The following B2M variants were observed in gnomAD, a reference collection of about 807,000 sequenced individuals.
The protein encoded by B2M is beta-2-microglobulin.
B2M carries 3 observed loss-of-function variants against 14.5 expected under a neutral mutation model. That is an observed-to-expected ratio of 0.21 (90% confidence interval 0.09 to 0.53). The LOEUF (loss-of-function observed/expected upper bound fraction) is 0.53. B2M is among the 20% of genes least tolerant of loss of function. The pLI is 0.95. For synonymous variants in B2M, 45 were observed against 52.7 expected, an observed-to-expected ratio of 0.85 and a Z score of 0.64; for missense variants, 107 against 140.8, an observed-to-expected ratio of 0.76 and a Z score of 1.21.
intron 1 of B2M, chr15:44,714,101 A>G (rs933676814): frequency 6.6e-6 from 1 of 152,224 alleles, no homozygotes; most frequent in Admixed American, 6.5e-5. Context: ...TGGATGGTCT[A>G]GTCATGCCTC....
At chr15:44,715,069 A>G (rs1010867264) in intron 1 of B2M, 1 of 391,786 alleles carries the variant, frequency 2.6e-6, no homozygotes, top group African/African-American at 2.1e-5. Context: ...GTGTTAAGGA[A>G]TGCTATGAGT....
intron 1 of B2M, chr15:44,711,969 G>A: frequency 4.6e-6 from 2 of 438,896 alleles, no homozygotes; most frequent in Non-Finnish European, 8.5e-6. Context: ...GGCTCCCCCA[G>A]CGCAGCTGGA....
Position 44,716,374 on chromosome 15 carries a change from A to T in B2M, c.*14+18A>T. 6.2e-7 allele frequency: 1 copy of T among 1,602,334 alleles called. No individual in the cohort carries two copies. The highest frequency in any genetic ancestry group is 8.6e-7 in the Non-Finnish European group (1 of 1,169,252). On this transcript the variant is annotated intron_variant, in intron 3 of 3. Transcript: ENST00000648006. ...TCATGGAGGTAAGTTTTTGACCTTG[A>T]GAAAATGTTTTTGTTTCACTGTCCT...
chr15:44,712,549 C>T (rs1159140518), intron 1 of B2M, among the ~76,000 whole-genome samples: 2 of 152,148 alleles, frequency 1.3e-5, no homozygotes, highest in African/African-American at 4.8e-5. Flanking sequence ...GTAATTCGTG[C>T]ATTTTTTTTT....
rs2086938949 is a variant in B2M at position 44,716,159 on chromosome 15, T to C, written c.347-170T>C. ...TGGCTGGATTGGTATCTGAGGCTAG[T>C]AGGAAGGGCTTGTTCCTGCTGGGTA... On this transcript the variant is annotated intron_variant, in intron 2 of 3. Transcript: ENST00000648006. The C allele has an allele frequency of 4.1e-6, 3 of 727,764 alleles. No homozygotes were observed. The East Asian group carries it at 8.0e-5, about 19-fold the overall frequency. The allele number at this position is 727,764 out of a possible 1,614,324, so 45.1% of individuals were successfully genotyped here.
intron 1 of B2M, chr15:44,712,169 C>G (rs2086881872): frequency 4.4e-6 from 1 of 227,078 alleles, no homozygotes; most frequent in Non-Finnish European, 9.0e-6. Context: ...ACCTCTGGGT[C>G]TATGTGGGGC....
Position 44,711,931 on chromosome 15 carries a change from T to C in B2M, c.67+318T>C, listed in dbSNP as rs964376047. 3.4e-5 allele frequency: 18 copies of C among 524,422 alleles called. No homozygotes were observed. The African/African-American group carries it at 3.4e-4, about 10-fold the overall frequency. 32.5% of individuals were successfully genotyped at this position (524,422 alleles called of 1,614,324 possible). ...CAGAGCGCCGAGGTTGGGGGAGGGT[T>C]TCTCTTCCGCTCTTTCGCGGGGCCT... On this transcript the variant is annotated intron_variant, in intron 1 of 3. Coordinates refer to ENST00000648006, the MANE Select transcript of B2M (RefSeq NM_004048.4).
chr15:44,713,761 C>T (rs2086912835), intron 1 of B2M: 2 of 152,130 alleles, frequency 1.3e-5, no homozygotes, highest in South Asian at 4.1e-4. Flanking sequence ...AAAGAGCTCT[C>T]TTAGCTTTTA....
chr15:44,711,528 T>C lies in B2M; in HGVS notation c.-19T>C, dbSNP rs573634338. On this transcript the variant is annotated 5_prime_UTR_variant, in exon 1 of 4. Coordinates refer to ENST00000648006, the MANE Select transcript of B2M (RefSeq NM_004048.4). ...TCGCGCTGGCGGGCATTCCTGAAGC[T>C]GACAGCATTCGGGCCGAGATGTCTC... 3 of 1,613,432 alleles carry C rather than the reference T, an allele frequency of 1.9e-6. No individual in the cohort carries two copies. Among genetic ancestry groups the C allele is most frequent in the Non-Finnish European group, 2.5e-6 (3 of 1,179,924 alleles).
At chr15:44,711,736 G>A in intron 1 of B2M, 123 bp downstream of exon 1, 1 of 1,270,394 alleles carries the variant, frequency 7.9e-7, no homozygotes, top group African/African-American at 1.5e-5. Context: ...GGCCCGCCGT[G>A]GGGCTAGTCC....
intron 1 of B2M, chr15:44,713,847 G>A (rs145335723): frequency 6.6e-6 from 1 of 152,292 alleles, no homozygotes; most frequent in East Asian, 1.9e-4. Context: ...TTTCCTTAAT[G>A]ATAGGGTGTT....
chr15:44,716,962 C>A (rs1379328211), intron 3 of B2M: 1 of 152,756 alleles, frequency 6.5e-6, no homozygotes, highest in Non-Finnish European at 1.5e-5. Flanking sequence ...AGTCCAAAGG[C>A]TTTTCAATGA....
chr15:44,711,551 C>A lies in B2M; in HGVS notation c.5C>A (p.Ser2Tyr), dbSNP rs368160918. 1 of 1,613,852 alleles carries A rather than the reference C, an allele frequency of 6.2e-7. No homozygotes were observed. The highest frequency in any genetic ancestry group is 8.5e-7 in the Non-Finnish European group (1 of 1,180,012). ...GCTGACAGCATTCGGGCCGAGATGT[C>A]TCGCTCCGTGGCCTTAGCTGTGCTC... MSRSVALAVLAL... is the reference protein window; with the variant it reads MYRSVALAVLAL... The change falls in exon 1 of 4, where the codon TCT (serine) becomes TAT (tyrosine). Residue 2 changes from serine (S) to tyrosine (Y), a missense_variant. By Grantham distance (144) the Ser-to-Tyr change is moderately radical (BLOSUM62 -2). Transcript: ENST00000648006.
At chr15:44,716,484 G>T (rs1443557731) in intron 3 of B2M, 128 bp downstream of exon 3, 189 of 1,049,030 alleles carry the variant, frequency 1.8e-4, no homozygotes, top group Non-Finnish European at 1.9e-5. Flanking sequence ...AGGGAAAGAA[G>T]AATCCTACAG....
rs898859490 is a variant in B2M, at chr15:44,711,633, C to A, written c.67+20C>A. ...TCCAGCGTGAGTCTCTCCTACCCTC[C>A]CGCTCTGGTCCTTCCTCTCCCGCTC... On this transcript the variant is annotated intron_variant, in intron 1 of 3. Coordinates refer to ENST00000648006, the MANE Select transcript of B2M (RefSeq NM_004048.4). 2 of 1,606,836 alleles carry A rather than the reference C, an allele frequency of 1.2e-6. No individual in the cohort carries two copies.
intron 1 of B2M, chr15:44,712,845 A>C (rs1240978008): frequency 2.0e-5 from 3 of 151,996 alleles, no homozygotes; most frequent in African/African-American, 7.3e-5. Flanking sequence ...AAAAAATAAT[A>C]ACAAAAATTA....
Position 44,715,440 on chromosome 15 carries a change from G to A in B2M, c.85G>A (p.Val29Ile). The change falls in exon 2 of 4, where the codon GTT becomes ATT. Residue 29 changes from valine to isoleucine, a missense_variant. By Grantham distance (29) the Val-to-Ile change is conservative. Coordinates refer to ENST00000648006, the MANE Select transcript of B2M (RefSeq NM_004048.4). ...EAIQRTPKIQ[V>I]YSRHPAENGK... Reference sequence around the variant, plus strand: ...TTCCTCAGGTACTCCAAAGATTCAGGTTTACTCACGTCATCCAGCAGAGAA... The same window carrying A: ...TTCCTCAGGTACTCCAAAGATTCAGATTTACTCACGTCATCCAGCAGAGAA... The A allele has an allele frequency of 6.2e-7, 1 of 1,613,900 alleles. No homozygotes were observed. The highest frequency in any genetic ancestry group is 2.2e-5 in the East Asian group (1 of 44,886).
chr15:44,717,801 C>T lies in B2M; in HGVS notation c.*209C>T, dbSNP rs1334485339. On this transcript the variant is annotated 3_prime_UTR_variant, in exon 4 of 4. Transcript: ENST00000648006. Reference sequence around the variant, plus strand: ...TGATGTATCTGAGCAGGTTGCTCCACAGGTAGCTCTAGGAGGGCTGGCAAC... The same window carrying T: ...TGATGTATCTGAGCAGGTTGCTCCATAGGTAGCTCTAGGAGGGCTGGCAAC... The T allele has an allele frequency of 6.6e-6, 1 of 152,186 alleles. No individual in the cohort carries two copies. Among genetic ancestry groups the T allele is most frequent in the Non-Finnish European group, 1.5e-5 (1 of 68,062 alleles). 9.4% of individuals were successfully genotyped at this position (152,186 alleles called of 1,614,324 possible).
chr15:44,711,577 G>A lies in B2M; in HGVS notation c.31G>A (p.Ala11Thr). Residue 11 changes from alanine (A) to threonine (T), a missense_variant, in exon 1 of 4, where the codon GCG becomes ACG. Coordinates refer to ENST00000648006, the MANE Select transcript of B2M (RefSeq NM_004048.4). The part of the protein sequence containing the change: MSRSVALAVL[A>T]LLSLSGLEAI... ...TCGCTCCGTGGCCTTAGCTGTGCTC[G>A]CGCTACTCTCTCTTTCTGGCCTGGA... 6.2e-7 allele frequency: 1 copy of A among 1,613,940 alleles called. No homozygotes were observed. The highest frequency in any genetic ancestry group is 1.1e-5 in the South Asian group (1 of 91,086).
Sources: allele counts gnomAD v4.1 joint callset (sites outside exome capture counted in the v4.1 genomes callset), GRCh38; gene constraint gnomAD v4.1.1; transcripts MANE v1.5; gene names NCBI Gene and HGNC (gene_info 2026-07-23, HGNC 2026-07-21).